NSRP1: variants seen among roughly 807,000 people sequenced by gnomAD.
NSRP1 encodes coiled-coil domain containing 55.
A neutral mutation model predicts 54.7 loss-of-function variants in NSRP1; 24 were observed. The observed-to-expected ratio is 0.44, with a 90% CI of 0.32 to 0.62. The LOEUF (loss-of-function observed/expected upper bound fraction) is 0.62. NSRP1 is among the 20% of genes least tolerant of loss of function. The pLI is 0.06. For synonymous variants in NSRP1, 210 were observed against 213.8 expected (o/e 0.98, Z 0.15); for missense variants, 596 against 651.2 (o/e 0.92, Z 0.92).
At position 30,117,867 on chromosome 17, in the gene NSRP1, C is replaced by T. The variant is rs117538939; in HGVS notation, c.21-213C>T. ...ATAAAAATGGTATTCGAGTTTGGCC[C>T]GTGTCCACAAATGATCACTTAGAGT... On this transcript the variant is annotated intron_variant, in intron 1 of 6. Transcript: ENST00000247026. 138 of 404,182 alleles carry T rather than the reference C, an allele frequency of 3.4e-4. 3 individuals carry two copies. In the East Asian group the frequency reaches 4.7e-3, roughly 14 times the overall value. 25.0% of individuals were successfully genotyped at this position (404,182 alleles called of 1,614,324 possible). A position where few individuals can be genotyped will look rare whatever the true frequency, so the allele number is the denominator to read the frequency against.
chr17:30,171,394 C>T lies in NSRP1; in HGVS notation c.115-1148C>T, dbSNP rs143168576. The stretch of plus-strand genomic sequence containing the variant: ...AATTTTGGCTCACTGCAACATCTGC[C>T]TCCCAGGTGCAAGTGATTCTCATGT... On this transcript the variant is annotated intron_variant, in intron 2 of 6. Coordinates refer to ENST00000247026, the MANE Select transcript of NSRP1 (RefSeq NM_032141.4). 3.3e-4 allele frequency among the ~76,000 whole-genome samples: 50 copies of T among 150,670 alleles called. No individual in the cohort carries two copies. The East Asian group carries it at 8.6e-3, about 26-fold the overall frequency.
chr17:30,160,186 G>A (rs1904465416), intron 2 of NSRP1, among the ~76,000 whole-genome samples: 1 of 152,150 alleles, frequency 6.6e-6, no homozygotes, highest in South Asian at 2.1e-4. Context: ...TTGATGTACT[G>A]TTGGATTTGG....
intron 2 of NSRP1, among the ~76,000 whole-genome samples, chr17:30,160,323 A>G (rs572153107): frequency 1.3e-5 from 2 of 152,152 alleles, no homozygotes; most frequent in Non-Finnish European, 2.9e-5. Flanking sequence ...GCTTCACAGA[A>G]TGAGTTAGGA....
chr17:30,132,852 CTG>C (rs535015301), intron 2 of NSRP1, among the ~76,000 whole-genome samples: 35 of 152,326 alleles, frequency 2.3e-4, no homozygotes, highest in Admixed American at 7.2e-4. Context: ...GGCTTCTAGA[CTG>C]TTGAATTTCT....
At chr17:30,119,723 G>A (rs1035892176) in intron 2 of NSRP1, among the ~76,000 whole-genome samples, 47 of 151,596 alleles carry the variant, frequency 3.1e-4, no homozygotes, top group African/African-American at 1.1e-3. Context: ...GGCTGGTCTC[G>A]AACTCCTGAC....
At chr17:30,171,967 CACACA>C in intron 2 of NSRP1, among the ~76,000 whole-genome samples, 2 of 135,050 alleles carry the variant, frequency 1.5e-5, no homozygotes, top group Admixed American at 7.8e-5. Context: ...CACACACACA[CACACA>C]CTCCCTCTCT....
intron 2 of NSRP1, among the ~76,000 whole-genome samples, chr17:30,164,687 A>G (rs948177452): frequency 6.6e-6 from 1 of 151,866 alleles, no homozygotes; most frequent in Non-Finnish European, 1.5e-5. Flanking sequence ...AGTTCCAGCT[A>G]CTCCAGATGC....
At chr17:30,149,205 C>A (rs148017328) in intron 2 of NSRP1, among the ~76,000 whole-genome samples, 155 of 152,016 alleles carry the variant, frequency 1.0e-3, no homozygotes, top group African/African-American at 3.4e-3. Context: ...CGTTTCTATT[C>A]TTTTATTTAA....
chr17:30,172,137 A>G (rs1362487210), intron 2 of NSRP1, among the ~76,000 whole-genome samples: 1 of 152,090 alleles, frequency 6.6e-6, no homozygotes, highest in Admixed American at 6.6e-5. Context: ...ATACCTTATA[A>G]TCTATTCTGA....
At chr17:30,132,255 AAAAAG>A (rs1395093852) in intron 2 of NSRP1, among the ~76,000 whole-genome samples, 20 of 149,040 alleles carry the variant, frequency 1.3e-4, no homozygotes, top group Middle Eastern at 3.6e-3. Flanking sequence ...CAAAAAAAAA[AAAAAG>A]AAAAGAAAAG....
intron 2 of NSRP1, among the ~76,000 whole-genome samples, chr17:30,134,285 C>G (rs946675392): frequency 9.2e-5 from 14 of 152,174 alleles, no homozygotes; most frequent in African/African-American, 3.4e-4. Flanking sequence ...TTGTTGATTA[C>G]AGATCATTGT....
intron 2 of NSRP1, among the ~76,000 whole-genome samples, chr17:30,160,381 T>C (rs1904472225): frequency 6.6e-6 from 1 of 152,182 alleles, no homozygotes; most frequent in Admixed American, 6.5e-5. Context: ...GGAGAATTGG[T>C]ATTCTTTGTA....
At position 30,184,825 on chromosome 17, in the gene NSRP1, T is replaced by A; in HGVS notation, c.828T>A (p.Pro276=). ...GAAGGGAAAAGGTCATAGAGACCCCTGAGAATGACTTCAAGCACCACAGGA... is the reference window on the plus strand; with the variant it reads ...GAAGGGAAAAGGTCATAGAGACCCCAGAGAATGACTTCAAGCACCACAGGA... ...NCRREKVIET[P]ENDFKHHRSQ... The change falls in exon 7 of 7, where the codon CCT becomes CCA. Residue 276 remains proline (P), a synonymous_variant. Coordinates refer to ENST00000247026, the MANE Select transcript of NSRP1 (RefSeq NM_032141.4). The A allele has an allele frequency of 6.2e-7, 1 of 1,614,040 alleles. No individual in the cohort carries two copies. The highest frequency in any genetic ancestry group is 2.2e-5 in the East Asian group (1 of 44,868).
intron 2 of NSRP1, among the ~76,000 whole-genome samples, chr17:30,151,517 A>G (rs944097717): frequency 1.3e-5 from 2 of 152,226 alleles, no homozygotes; most frequent in African/African-American, 2.4e-5. Context: ...TTTCCTATTT[A>G]TTAAGTAGAA....
At chr17:30,133,492 G>C (rs2071720828) in intron 2 of NSRP1, among the ~76,000 whole-genome samples, 1 of 152,064 alleles carries the variant, frequency 6.6e-6, no homozygotes, top group Admixed American at 6.6e-5. Flanking sequence ...AAACAGATGT[G>C]CTGTCATGTA....
At chr17:30,152,678 C>T (rs1402454227) in intron 2 of NSRP1, among the ~76,000 whole-genome samples, 1 of 151,296 alleles carries the variant, frequency 6.6e-6, no homozygotes, top group Non-Finnish European at 1.5e-5. Context: ...TGTTCTTTCC[C>T]CTTTGAATTG....
chr17:30,180,746 T>G (rs1212472193), intron 5 of NSRP1, among the ~76,000 whole-genome samples, 162 bp from the exon 6 acceptor site: 1 of 152,174 alleles, frequency 6.6e-6, no homozygotes, highest in African/African-American at 2.4e-5. Context: ...CAATAAAAAT[T>G]TATTTATGAA....
chr17:30,116,995 GA>G (rs2071539861), intron 1 of NSRP1, 132 bp downstream of exon 1: 2 of 1,163,744 alleles, frequency 1.7e-6, no homozygotes, highest in Non-Finnish European at 2.5e-6. Context: ...GAAAAAACGA[GA>G]AGTCCTGAGG....
At chr17:30,144,532 A>G (rs1329597367) in intron 2 of NSRP1, 3 of 152,156 alleles carry the variant, frequency 2.0e-5, no homozygotes, top group African/African-American at 4.8e-5. Flanking sequence ...AAGTGCTGAG[A>G]TTACAGGAGT....
Sources: allele counts gnomAD v4.1 joint callset (sites outside exome capture counted in the v4.1 genomes callset), GRCh38; gene constraint gnomAD v4.1.1; transcripts MANE v1.5; gene names NCBI Gene and HGNC (gene_info 2026-07-23, HGNC 2026-07-21).